The following PRUNE1 variants were observed in gnomAD, a reference collection of about 807,000 sequenced individuals.
PRUNE1 encodes exopolyphosphatase PRUNE1.
In PRUNE1, 25 loss-of-function variants were observed where a neutral mutation model predicts 42.5. That is an observed-to-expected ratio of 0.59 (90% CI 0.43 to 0.82). PRUNE1 has a LOEUF of 0.82. Ranked by LOEUF, PRUNE1 falls within the 40% of genes least tolerant of loss-of-function variation. The pLI, the probability that PRUNE1 is intolerant of heterozygous loss-of-function variation, is 0.00. For synonymous variants in PRUNE1, 203 were observed against 217.1 expected (o/e 0.93, Z 0.57); for missense variants, 443 against 539.3 (o/e 0.82, Z 1.77).
rs144817612 is a variant in PRUNE1 at position 151,032,074 on chromosome 1, G to A, written c.934-1732G>A. 1.7e-3 allele frequency among the ~76,000 whole-genome samples: 259 copies of A among 151,362 alleles called. 1 individual carries two copies. The highest frequency in any genetic ancestry group is 5.9e-3 in the African/African-American group (245 of 41,276). ...AGCCTGGCCAATATGGCGAAACCCC[G>A]TCTCTACTAAAAATACAAAAATTAG... On this transcript the variant is annotated intron_variant, in intron 7 of 7. Transcript: ENST00000271620.
chr1:151,030,262 C>CA (rs779376441), intron 7 of PRUNE1, among the ~76,000 whole-genome samples: 1,259 of 85,946 alleles, frequency 0.015, 39 homozygotes, highest in Admixed American at 0.086. Context: ...ACTCCGTCTC[C>CA]AAAAAAAAAA....
chr1:151,026,850 T>C (rs1169209794), intron 5 of PRUNE1, among the ~76,000 whole-genome samples: 1 of 148,854 alleles, frequency 6.7e-6, no homozygotes, highest in African/African-American at 2.4e-5. Flanking sequence ...TTTCTTTCTT[T>C]TTTTTTTTTT....
At chr1:151,027,049 G>A (rs1324436039) in intron 5 of PRUNE1, among the ~76,000 whole-genome samples, 184 bp from the exon 6 acceptor site, 2 of 151,890 alleles carry the variant, frequency 1.3e-5, no homozygotes, top group East Asian at 1.9e-4. Flanking sequence ...GCCTCCCAAA[G>A]TGCTGGGATT....
rs149716045 is a variant in PRUNE1, at chr1:151,023,074, G to A, written c.336-1537G>A. On this transcript the variant is annotated intron_variant, in intron 3 of 7. Coordinates refer to ENST00000271620, the MANE Select transcript of PRUNE1 (RefSeq NM_021222.3). ...GGACATGGAAAAAGATGAGACAGAG[G>A]GGGCAGGCAGGAGGCAGATTATGGA... Among the ~76,000 whole-genome samples the A allele has an allele frequency of 3.3e-5, 5 of 152,258 alleles. No homozygotes were observed. The South Asian group carries it at 1.0e-3, about 32-fold the overall frequency.
At position 151,034,573 on chromosome 1, in the gene PRUNE1, T is replaced by C. The variant is rs924512593; in HGVS notation, c.*339T>C. ...CCAAAAGTGTCCTCGGCATGGATCT[T>C]GAACAGAACCAGTATCTGTCATGGA... On this transcript the variant is annotated 3_prime_UTR_variant, in exon 8 of 8. Coordinates refer to ENST00000271620, the MANE Select transcript of PRUNE1 (RefSeq NM_021222.3). 1 of 269,564 alleles carries C rather than the reference T, an allele frequency of 3.7e-6. No homozygotes were observed. Among genetic ancestry groups the C allele is most frequent in the South Asian group, 5.9e-5 (1 of 17,036 alleles). The allele number at this position is 269,564 out of a possible 1,614,324, so 16.7% of individuals were successfully genotyped here. A position where few individuals can be genotyped will look rare whatever the true frequency, so the allele number is the denominator to read the frequency against.
At chr1:151,011,723 A>T (rs373486501) in intron 1 of PRUNE1, among the ~76,000 whole-genome samples, 57 of 152,218 alleles carry the variant, frequency 3.7e-4, no homozygotes, top group African/African-American at 1.3e-3. Context: ...AGAACATATC[A>T]GGATAAGAGA....
intron 7 of PRUNE1, among the ~76,000 whole-genome samples, chr1:151,032,419 A>G (rs1405689153): frequency 1.3e-5 from 2 of 151,936 alleles, no homozygotes; most frequent in Non-Finnish European, 2.9e-5. Flanking sequence ...ATACTAAAAT[A>G]AAATACTGTG....
intron 3 of PRUNE1, among the ~76,000 whole-genome samples, chr1:151,020,595 T>G (rs1674355719): frequency 6.6e-6 from 1 of 152,064 alleles, no homozygotes; most frequent in Non-Finnish European, 1.5e-5. Flanking sequence ...AGATCCCATC[T>G]CTACAAAAAA....
At chr1:151,021,958 G>T (rs1163137839) in intron 3 of PRUNE1, among the ~76,000 whole-genome samples, 1 of 146,078 alleles carries the variant, frequency 6.8e-6, no homozygotes, top group Non-Finnish European at 1.5e-5. Context: ...ATGAGCCACC[G>T]TGCCACCACC....
intron 3 of PRUNE1, among the ~76,000 whole-genome samples, chr1:151,024,234 G>A (rs1008507670): frequency 6.7e-6 from 1 of 149,082 alleles, no homozygotes; most frequent in Non-Finnish European, 1.5e-5. Context: ...AGAGGTAAAA[G>A]TAACCAAAGG....
At position 151,008,622 on chromosome 1, in the gene PRUNE1, T is replaced by C. The variant is rs1325778018; in HGVS notation, c.-11T>C. 1 of 1,614,184 alleles carries C rather than the reference T, an allele frequency of 6.2e-7. No homozygotes were observed. Among genetic ancestry groups the C allele is most frequent in the East Asian group, 2.2e-5 (1 of 44,878 alleles). ...CTCGACCAGGGGCGACGGCGTACTT[T>C]GGGCTTCATCATGGAGGACTACCTG... On this transcript the variant is annotated 5_prime_UTR_variant, in exon 1 of 8. Coordinates refer to ENST00000271620, the MANE Select transcript of PRUNE1 (RefSeq NM_021222.3).
chr1:151,030,814 A>G (rs1675196402), intron 7 of PRUNE1, among the ~76,000 whole-genome samples: 1 of 152,116 alleles, frequency 6.6e-6, no homozygotes, highest in Admixed American at 6.6e-5. Context: ...AGTCAGGTAG[A>G]TGTGCTTTTC....
intron 7 of PRUNE1, among the ~76,000 whole-genome samples, chr1:151,032,729 T>A (rs978118332): frequency 4.7e-5 from 6 of 126,768 alleles, no homozygotes; most frequent in Non-Finnish European, 8.6e-5. Context: ...AAAAAAAAAA[T>A]ACTGTGTATA....
intron 1 of PRUNE1, among the ~76,000 whole-genome samples, chr1:151,010,399 C>A (rs1405585451): frequency 6.6e-6 from 1 of 152,122 alleles, no homozygotes; most frequent in East Asian, 1.9e-4. Flanking sequence ...AGTATATTCT[C>A]TACAGCAATA....
intron 3 of PRUNE1, 115 bp from the exon 4 acceptor site, chr1:151,024,496 A>C: frequency 2.1e-6 from 1 of 467,860 alleles, no homozygotes; most frequent in Non-Finnish European, 3.3e-6. Context: ...ACTCCGTCTC[A>C]AAAAAAAAAA....
intron 2 of PRUNE1, 56 bp downstream of exon 2, chr1:151,017,960 G>T: frequency 8.0e-7 from 1 of 1,251,558 alleles, no homozygotes; most frequent in South Asian, 1.2e-5. Context: ...AAAAGATCTG[G>T]ATTCAAGACC....
chr1:151,027,177 G>T, intron 5 of PRUNE1, 56 bp from the exon 6 acceptor site: 1 of 1,313,922 alleles, frequency 7.6e-7, no homozygotes, highest in South Asian at 1.2e-5. Context: ...TTGCCTTCTT[G>T]GTCTTGGGAC....
intron 1 of PRUNE1, among the ~76,000 whole-genome samples, chr1:151,013,416 T>G (rs1673904802): frequency 6.6e-6 from 1 of 152,220 alleles, no homozygotes; most frequent in Non-Finnish European, 1.5e-5. Flanking sequence ...AAGGGGTTCA[T>G]TGTTCACCTT....
chr1:151,028,788 C>G lies in PRUNE1; in HGVS notation c.777C>G (p.Ala259=), dbSNP rs1285068760. 6.2e-7 allele frequency: 1 copy of G among 1,612,956 alleles called. No individual in the cohort carries two copies. The highest frequency in any genetic ancestry group is 8.5e-7 in the Non-Finnish European group (1 of 1,179,638). ...CCTCTCCGTTTCTTCCCTTTCAGGC[C>G]TTTCTGCAGAGGTCTAACCTCCTTG... ...AISAIYMDLE[A]FLQRSNLLAD... is the part of the protein sequence containing the mutation. Residue 259 remains alanine, a splice_region_variant and synonymous_variant, in exon 7 of 8, where the codon GCC becomes GCG. Coordinates refer to ENST00000271620, the MANE Select transcript of PRUNE1 (RefSeq NM_021222.3).
Sources: gnomAD v4.1 joint callset for allele counts (sites outside exome capture counted in the v4.1 genomes callset) on GRCh38, gnomAD v4.1.1 for gene constraint, MANE v1.5 for transcripts, NCBI Gene and HGNC (gene_info 2026-07-23, HGNC 2026-07-21) for gene names.